CBLB: variants seen among roughly 807,000 people sequenced by gnomAD.
CBLB encodes the protein Cbl proto-oncogene B, also known as E3 ubiquitin-protein ligase CBL-B.
In CBLB, 31 loss-of-function variants were observed where a neutral mutation model predicts 104.9. That is an observed-to-expected ratio of 0.30 (90% CI 0.22 to 0.40). CBLB has a LOEUF of 0.40. Among genes scored for constraint, CBLB ranks in the 10% least tolerant of loss-of-function variants. The probability of loss-of-function intolerance (pLI) is 1.00; values close to 1 mark genes in which losing one functional copy is unlikely to be tolerated. For missense variants in CBLB, 1,062 were observed against 1,214.6 expected (o/e 0.87, Z 1.87); for synonymous variants, 440 against 422.6 (o/e 1.04, Z -0.51).
chr3:105,806,376 A>G (rs532591389), intron 3 of CBLB, among the ~76,000 whole-genome samples: 5 of 151,828 alleles, frequency 3.3e-5, no homozygotes, highest in African/African-American at 7.2e-5. Context: ...ACAATCCTCA[A>G]TGGGAAGCTG....
At chr3:105,688,072 G>C (rs1356953188) in intron 13 of CBLB, among the ~76,000 whole-genome samples, 1 of 151,910 alleles carries the variant, frequency 6.6e-6, no homozygotes, top group Admixed American at 6.6e-5. Context: ...GTGACATTTG[G>C]CAGTAGAAAA....
At chr3:105,775,265 G>A (rs1407538982) in intron 4 of CBLB, among the ~76,000 whole-genome samples, 4 of 151,810 alleles carry the variant, frequency 2.6e-5, no homozygotes, top group African/African-American at 9.7e-5. Flanking sequence ...TATTTTGGAT[G>A]CCAAAAAAAT....
intron 3 of CBLB, among the ~76,000 whole-genome samples, chr3:105,852,986 G>C (rs2091151662): frequency 6.6e-6 from 1 of 152,104 alleles, no homozygotes; most frequent in East Asian, 1.9e-4. Flanking sequence ...CAAAGTGCTG[G>C]GATTACAGGC....
In CBLB at chr3:105,760,603, G is replaced by C. The variant is rs891445427; in HGVS notation, c.567-8985C>G. 7.3e-5 allele frequency among the ~76,000 whole-genome samples: 11 copies of C among 150,662 alleles called. 1 individual carries two copies. Among genetic ancestry groups the C allele is most frequent in the Admixed American group, 5.3e-4 (8 of 15,016 alleles). ...AAAATGATCCTCCCTTTAGCAATGAGAGCTCAGAATTACAAACAAAAAAAA... is the reference window on the plus strand; with the variant it reads ...AAAATGATCCTCCCTTTAGCAATGACAGCTCAGAATTACAAACAAAAAAAA... On this transcript the variant is annotated intron_variant, in intron 4 of 18. Transcript: ENST00000394030.
At chr3:105,685,219 A>T in intron 14 of CBLB, 101 bp downstream of exon 14, 1 of 1,041,780 alleles carries the variant, frequency 9.6e-7, no homozygotes, top group Non-Finnish European at 1.5e-6. Context: ...GCTGGAAATT[A>T]AGGATTTTTA....
chr3:105,704,145 G>A lies in CBLB; in HGVS notation c.1436C>T (p.Thr479Ile), dbSNP rs2152788285. ...GGCAAGGGGAGAGGATCCTGGTGAT[G>A]TGACTGGTGAGTTCTGCCTGTCAGT... ...KCTDRQNSPV[T>I]SPGSSPLAQR... Residue 479 changes from threonine (T) to isoleucine (I), a missense_variant, in exon 11 of 19, where the codon ACA becomes ATA. This residue lies in a region of CBLB where 457 missense variants were observed against 632.0 expected (regional missense o/e 0.72). Transcript: ENST00000394030. The A allele has an allele frequency of 1.2e-6, 2 of 1,614,140 alleles. No homozygotes were observed. Among genetic ancestry groups the A allele is most frequent in the Non-Finnish European group, 1.7e-6 (2 of 1,180,004 alleles).
intron 3 of CBLB, among the ~76,000 whole-genome samples, chr3:105,843,977 T>C (rs1201863528): frequency 1.3e-5 from 2 of 152,202 alleles, no homozygotes; most frequent in Admixed American, 1.3e-4. Context: ...TATGACCTTG[T>C]TTCAAAATAG....
rs1299874564 is a variant in CBLB at position 105,655,928 on chromosome 3, A to T, written c.*3042T>A. The T allele has an allele frequency of 4.4e-6, 1 of 226,632 alleles. No individual in the cohort carries two copies. Among genetic ancestry groups the T allele is most frequent in the Non-Finnish European group, 8.8e-6 (1 of 113,936 alleles). The allele number at this position is 226,632 out of a possible 1,614,324, so 14.0% of individuals were successfully genotyped here. On this transcript the variant is annotated 3_prime_UTR_variant, in exon 19 of 19. Coordinates refer to ENST00000394030, the MANE Select transcript of CBLB (RefSeq NM_170662.5). ...AGAAATCTTTGCAAGTGTTCTTGGTATATGAAATGCTGAGTTAAGAAATGG... is the reference window on the plus strand; with the variant it reads ...AGAAATCTTTGCAAGTGTTCTTGGTTTATGAAATGCTGAGTTAAGAAATGG...
intron 3 of CBLB, among the ~76,000 whole-genome samples, chr3:105,809,961 T>C (rs1023388513): frequency 1.3e-5 from 2 of 152,130 alleles, no homozygotes; most frequent in East Asian, 1.9e-4. Flanking sequence ...TAAGCTAGCA[T>C]AGCAAACTAG....
In CBLB at chr3:105,656,994, C is replaced by T. The variant is rs2063393546; in HGVS notation, c.*1976G>A. On this transcript the variant is annotated 3_prime_UTR_variant, in exon 19 of 19. Transcript: ENST00000394030. The stretch of plus-strand genomic sequence containing the variant: ...AAGTGTAAGAAACTTCACTCATGTA[C>T]CTACTCATGGGAAGAACATCTAAGG... 2 of 223,604 alleles carry T rather than the reference C, an allele frequency of 8.9e-6. No individual in the cohort carries two copies. Among genetic ancestry groups the T allele is most frequent in the Non-Finnish European group, 8.9e-6 (1 of 111,904 alleles). 13.9% of individuals were successfully genotyped at this position (223,604 alleles called of 1,614,324 possible).
chr3:105,866,894 C>T (rs1178617403), intron 2 of CBLB, among the ~76,000 whole-genome samples: 4 of 152,014 alleles, frequency 2.6e-5, no homozygotes, highest in Admixed American at 6.6e-5. Flanking sequence ...CCATTAACAA[C>T]AAAAAAAGTT....
chr3:105,741,942 G>C (rs867429694), intron 6 of CBLB, among the ~76,000 whole-genome samples: 21 of 152,196 alleles, frequency 1.4e-4, no homozygotes, highest in African/African-American at 5.1e-4. Context: ...TATCTTACAA[G>C]GGGAAGTTAA....
chr3:105,799,133 A>G (rs888247501), intron 3 of CBLB, among the ~76,000 whole-genome samples: 2 of 151,746 alleles, frequency 1.3e-5, no homozygotes, highest in African/African-American at 4.8e-5. Flanking sequence ...AAAATAATGA[A>G]TAGCAGTGAG....
In CBLB at chr3:105,853,623, G is replaced by T; in HGVS notation, c.210C>A (p.Ser70Arg). 6.2e-7 allele frequency: 1 copy of T among 1,608,474 alleles called. No individual in the cohort carries two copies. Residue 70 changes from serine (S) to arginine (R), a missense_variant, in exon 3 of 19, where the codon AGC becomes AGA. Ser to Arg is a moderately radical substitution (Grantham distance 110, BLOSUM62 -1). This residue lies in a region of CBLB where 457 missense variants were observed against 632.0 expected (regional missense o/e 0.72). Coordinates refer to ENST00000394030, the MANE Select transcript of CBLB (RefSeq NM_170662.5). ...GCAAAATATCAAGTATATATGGTGG[G>T]CTATTTTTCAACTGAAGTTTGGGAT... ...CQNPKLQLKN[S>R]PPYILDILPD... is the part of the protein sequence containing the mutation.
chr3:105,738,988 G>C (rs2075256040), intron 7 of CBLB, among the ~76,000 whole-genome samples: 1 of 152,150 alleles, frequency 6.6e-6, no homozygotes, highest in Non-Finnish European at 1.5e-5. Context: ...TGTCACTGTA[G>C]CCTCAACTTC....
intron 10 of CBLB, among the ~76,000 whole-genome samples, chr3:105,711,549 T>C (rs1203031238): frequency 7.0e-6 from 1 of 143,680 alleles, no homozygotes; most frequent in African/African-American, 2.5e-5. Context: ...AGTAAATGAC[T>C]TGTGTTATCT....
chr3:105,684,488 A>G (rs2152735468), intron 14 of CBLB, among the ~76,000 whole-genome samples: 1 of 152,320 alleles, frequency 6.6e-6, no homozygotes, highest in Non-Finnish European at 1.5e-5. Context: ...GTCAAAGACC[A>G]AGGCTATCCC....
At chr3:105,856,075 G>A (rs1270310002) in intron 2 of CBLB, among the ~76,000 whole-genome samples, 3 of 152,092 alleles carry the variant, frequency 2.0e-5, no homozygotes, top group African/African-American at 7.2e-5. Context: ...AAATTGGCCA[G>A]GCGCAGTGGC....
In CBLB at chr3:105,656,564, C is replaced by A. The variant is rs186612163; in HGVS notation, c.*2406G>T. The A allele has an allele frequency of 7.9e-4, 149 of 189,140 alleles. No homozygotes were observed. Among genetic ancestry groups the A allele is most frequent in the African/African-American group, 3.3e-3 (142 of 42,844 alleles). 11.7% of individuals were successfully genotyped at this position (189,140 alleles called of 1,614,324 possible). On this transcript the variant is annotated 3_prime_UTR_variant, in exon 19 of 19. Coordinates refer to ENST00000394030, the MANE Select transcript of CBLB (RefSeq NM_170662.5). The stretch of plus-strand genomic sequence containing the variant: ...AATGGTTGCTATTGAGTACAAGATG[C>A]AGAGATTTTGCTGGAGGCTGGTAAA...
Sources: gnomAD v4.1 joint callset for allele counts (sites outside exome capture counted in the v4.1 genomes callset) on GRCh38, gnomAD v4.1.1 for gene constraint, gnomAD v4.1.1 regional missense constraint, MANE v1.5 for transcripts, NCBI Gene and HGNC (gene_info 2026-07-23, HGNC 2026-07-21) for gene names.